PDE10A: variants seen among roughly 807,000 people sequenced by gnomAD.
PDE10A encodes the protein phosphodiesterase 10A, also known as cAMP and cAMP-inhibited cGMP 3',5'-cyclic phosphodiesterase 10A.
In PDE10A, 39 loss-of-function variants were observed where a neutral mutation model predicts 97.7. The observed-to-expected ratio is 0.40, with a 90% CI of 0.31 to 0.52. The LOEUF is 0.52. PDE10A is among the 20% of genes least tolerant of loss of function. The probability of loss-of-function intolerance (pLI) is 0.56; values close to 1 mark genes in which losing one functional copy is unlikely to be tolerated. For synonymous variants in PDE10A, 371 were observed against 376.8 expected (o/e 0.98, Z 0.18); for missense variants, 731 against 1,047.8 (o/e 0.70, Z 4.17).
chr6:165,389,050 G>A lies in PDE10A; in HGVS notation c.2455-597C>T, dbSNP rs116056860. Among the ~76,000 whole-genome samples, 1,168 of 152,282 alleles carry A rather than the reference G, an allele frequency of 7.7e-3. 11 individuals are homozygous for A. Among genetic ancestry groups the A allele is most frequent in the African/African-American group, 0.027 (1,113 of 41,560 alleles). Reference sequence around the variant, plus strand: ...AAACAGGGTAAGGAGAGCGGCAAGCGCAGTGTGGGAGAAGAGCACGCCGGG... The same window carrying A: ...AAACAGGGTAAGGAGAGCGGCAAGCACAGTGTGGGAGAAGAGCACGCCGGG... On this transcript the variant is annotated intron_variant, in intron 16 of 21. Transcript: ENST00000539869.
intron 1 of PDE10A, among the ~76,000 whole-genome samples, chr6:165,588,621 A>G (rs7771248): frequency 0.82 from 124,307 of 152,074 alleles, 52,937 homozygotes; most frequent in Non-Finnish European, 0.95. Flanking sequence ...TTTGTCCCCT[A>G]CTATCAAGTC....
chr6:165,482,196 G>C, intron 3 of PDE10A, 119 bp downstream of exon 3: 1 of 778,176 alleles, frequency 1.3e-6, no homozygotes, highest in Non-Finnish European at 2.3e-6. Flanking sequence ...ACTTTGGAGA[G>C]GAAACTCAGT....
At chr6:165,491,032 T>A (rs1583396500) in intron 2 of PDE10A, among the ~76,000 whole-genome samples, 1 of 152,144 alleles carries the variant, frequency 6.6e-6, no homozygotes, top group South Asian at 2.1e-4. Context: ...AGGACTCACA[T>A]AAACTTAGAG....
rs533038335 is a variant in PDE10A, at chr6:165,726,534, A to AGAGGAGAGCCACGATGCCC, written c.-614-182985_-614-182967dup. Among the ~76,000 whole-genome samples, 1,335 of 152,152 alleles carry AGAGGAGAGCCACGATGCCC rather than the reference A, an allele frequency of 8.8e-3. 6 individuals are homozygous for AGAGGAGAGCCACGATGCCC. The highest frequency in any genetic ancestry group is 0.014 in the Non-Finnish European group (937 of 67,976). On this transcript the variant is annotated intron_variant, in intron 1 of 19. Coordinates refer to the PDE10A transcript ENST00000366882. ...GAGCACGGGTGCCGAGCACCGGGGG[A>AGAGGAGAGCCACGATGCCC]GAGGAGAGCCACGATGCCCGAGGAG...
chr6:165,334,478 A>G (rs483832), intron 21 of PDE10A, among the ~76,000 whole-genome samples: 134,732 of 142,168 alleles, frequency 0.95, 64,220 homozygotes, highest in African/African-American at 0.98. Flanking sequence ...GCCCTACAGC[A>G]CCGGGCATGC....
chr6:165,487,291 G>A (rs529906253), intron 2 of PDE10A, among the ~76,000 whole-genome samples: 19 of 152,064 alleles, frequency 1.2e-4, no homozygotes, highest in South Asian at 2.1e-4. Context: ...CAGTGACAGC[G>A]ACTAAAATGA....
Position 165,545,962 on chromosome 6 carries a change from T to G in PDE10A, c.866-2394A>C, listed in dbSNP as rs1163190340. Among the ~76,000 whole-genome samples, 4 of 152,126 alleles carry G rather than the reference T, an allele frequency of 2.6e-5. No individual in the cohort carries two copies. The East Asian group carries it at 7.7e-4, about 29-fold the overall frequency. On this transcript the variant is annotated intron_variant, in intron 1 of 21. Coordinates refer to ENST00000539869, the MANE Select transcript of PDE10A (RefSeq NM_001385079.1). The stretch of plus-strand genomic sequence containing the variant: ...TTATGTCCACACAAAAACCTCCATG[T>G]GAGTGTTTTTGGCAGCTTTACTCAT...
rs199681378 is a variant in PDE10A at position 165,828,235 on chromosome 6, A to G, written c.-615+159294T>C. The stretch of plus-strand genomic sequence containing the variant: ...GTGTGAATTATTCCTGAATATACTA[A>G]ACACCTACTGTTACAGGCTAGACCT... On this transcript the variant is annotated intron_variant, in intron 1 of 19. Transcript: ENST00000366882. Among the ~76,000 whole-genome samples, 34 of 152,354 alleles carry G rather than the reference A, an allele frequency of 2.2e-4. No homozygotes were observed. The East Asian group carries it at 6.6e-3, about 29-fold the overall frequency.
intron 1 of PDE10A, among the ~76,000 whole-genome samples, chr6:165,641,931 CT>C (rs2128420404): frequency 6.6e-6 from 1 of 152,356 alleles, no homozygotes; most frequent in South Asian, 2.1e-4. Context: ...AGCCTCTGTC[CT>C]GCAGGCCACC....
At chr6:165,536,106 C>A (rs1471367746) in intron 2 of PDE10A, among the ~76,000 whole-genome samples, 1 of 151,902 alleles carries the variant, frequency 6.6e-6, no homozygotes, top group Admixed American at 6.6e-5. Flanking sequence ...ATGGTACTAG[C>A]ATATAAACAG....
chr6:165,518,879 G>T (rs761645817), intron 2 of PDE10A, among the ~76,000 whole-genome samples: 19 of 152,202 alleles, frequency 1.2e-4, no homozygotes, highest in Non-Finnish European at 2.4e-4. Context: ...TGGCAGTCAT[G>T]TACAGAAACC....
At chr6:165,619,122 G>GTATAGTGTAGT (rs1287728453) in intron 1 of PDE10A, among the ~76,000 whole-genome samples, 1 of 126,370 alleles carries the variant, frequency 7.9e-6, no homozygotes, top group Non-Finnish European at 1.6e-5. Context: ...GTGTAGTCTA[G>GTATAGTGTAGT]CATAGTCTAG....
chr6:165,800,330 C>A (rs1778949389), intron 1 of PDE10A, among the ~76,000 whole-genome samples: 2 of 152,114 alleles, frequency 1.3e-5, no homozygotes, highest in South Asian at 4.2e-4. Flanking sequence ...GGACTGTCTG[C>A]CTGTAAAGGT....
chr6:165,748,652 C>A (rs1332197142), intron 1 of PDE10A, among the ~76,000 whole-genome samples: 1 of 152,196 alleles, frequency 6.6e-6, no homozygotes, highest in Admixed American at 6.5e-5. Context: ...AGTAACACAG[C>A]TCCCAGCAGT....
At chr6:165,864,871 A>T (rs567513956) in intron 1 of PDE10A, among the ~76,000 whole-genome samples, 1 of 152,376 alleles carries the variant, frequency 6.6e-6, no homozygotes, top group South Asian at 2.1e-4. Flanking sequence ...AAAAACAAAA[A>T]GAAATTAACA....
chr6:165,934,092 TC>T, intron 1 of PDE10A, among the ~76,000 whole-genome samples: 1 of 149,456 alleles, frequency 6.7e-6, no homozygotes, highest in East Asian at 2.0e-4. Context: ...CAAGCAATTC[TC>T]CTGCCTCAGC....
intron 2 of PDE10A, among the ~76,000 whole-genome samples, chr6:165,525,068 C>G (rs1276039068): frequency 1.3e-5 from 2 of 152,094 alleles, no homozygotes; most frequent in African/African-American, 2.4e-5. Context: ...GATGTTGATT[C>G]TCCTCAGGAG....
intron 1 of PDE10A, among the ~76,000 whole-genome samples, chr6:165,613,990 T>C (rs116991482): frequency 6.6e-6 from 1 of 152,264 alleles, no homozygotes; most frequent in East Asian, 1.9e-4. Context: ...CACCCAAAAC[T>C]GGAGGCCAGC....
At chr6:165,468,669 T>C (rs943187726) in intron 3 of PDE10A, among the ~76,000 whole-genome samples, 4 of 152,192 alleles carry the variant, frequency 2.6e-5, no homozygotes, top group Non-Finnish European at 5.9e-5. Context: ...TTAAATCCTA[T>C]TGGGGGAGGG....
Sources: gnomAD v4.1 joint callset for allele counts (sites outside exome capture counted in the v4.1 genomes callset) on GRCh38, gnomAD v4.1.1 for gene constraint, MANE v1.5 for transcripts, NCBI Gene and HGNC (gene_info 2026-07-23, HGNC 2026-07-21) for gene names.